BTRC: variants seen among roughly 807,000 people sequenced by gnomAD.
BTRC encodes F-box/WD repeat-containing protein 1A.
Under a neutral mutation model 85.5 loss-of-function variants are expected in BTRC, and 42 were observed. The observed-to-expected ratio is 0.49, with a 90% CI of 0.38 to 0.64. BTRC has a LOEUF of 0.64. Ranked by LOEUF, BTRC falls within the 30% of genes least tolerant of loss-of-function variation. The pLI, the probability that BTRC is intolerant of heterozygous loss-of-function variation, is 0.00. For synonymous variants in BTRC, 255 were observed against 263.3 expected, an observed-to-expected ratio of 0.97 and a Z score of 0.30; for missense variants, 594 against 743.5, an observed-to-expected ratio of 0.80 and a Z score of 2.34.
rs1014429352 is a variant in BTRC at position 101,454,626 on chromosome 10, A to G, written c.157-7355A>G. ...AGAACCCCTGTATCTACAAAAAAAC[A>G]GAAAAATTAGCCTGGTGTAGTGGCG... On this transcript the variant is annotated intron_variant, in intron 2 of 14. Coordinates refer to ENST00000370187, the MANE Select transcript of BTRC (RefSeq NM_033637.4). 3.3e-4 allele frequency among the ~76,000 whole-genome samples: 50 copies of G among 152,148 alleles called. 2 individuals are homozygous for G. Among genetic ancestry groups the G allele is most frequent in the Non-Finnish European group, 7.3e-5 (5 of 68,036 alleles).
chr10:101,429,219 C>T (rs1199696431), intron 1 of BTRC, among the ~76,000 whole-genome samples: 1 of 151,928 alleles, frequency 6.6e-6, no homozygotes, highest in East Asian at 1.9e-4. Flanking sequence ...TAATAGCACT[C>T]AAGTTGATGG....
Position 101,556,300 on chromosome 10 carries a change from G to C in BTRC, c.*3177G>C, listed in dbSNP as rs2062723151. 6.6e-6 allele frequency: 1 copy of C among 152,170 alleles called. No individual in the cohort carries two copies. Among genetic ancestry groups the C allele is most frequent in the Non-Finnish European group, 1.5e-5 (1 of 68,036 alleles). 9.4% of individuals were successfully genotyped at this position (152,170 alleles called of 1,614,324 possible). ...GCTCCTGGTACCATTGGTCTGAACA[G>C]CTGTAGTTGGTCTACTCCTTACTTA... On this transcript the variant is annotated 3_prime_UTR_variant, in exon 15 of 15. Transcript: ENST00000370187.
rs1203911002 is a variant in BTRC at position 101,555,736 on chromosome 10, C to T, written c.*2613C>T. 1.3e-5 allele frequency: 2 copies of T among 152,592 alleles called. No individual in the cohort carries two copies. The highest frequency in any genetic ancestry group is 4.8e-5 in the African/African-American group (2 of 41,448). 9.5% of individuals were successfully genotyped at this position (152,592 alleles called of 1,614,324 possible). On this transcript the variant is annotated 3_prime_UTR_variant, in exon 15 of 15. Coordinates refer to ENST00000370187, the MANE Select transcript of BTRC (RefSeq NM_033637.4). The stretch of plus-strand genomic sequence containing the variant: ...TAAAACGAAAAGAGAGACAAAGTCT[C>T]AGCACATTCCAAGGAGTGGTAGAAA...
At chr10:101,514,743 G>T (rs754015236) in intron 4 of BTRC, among the ~76,000 whole-genome samples, 1 of 150,570 alleles carries the variant, frequency 6.6e-6, no homozygotes, top group African/African-American at 2.4e-5. Flanking sequence ...ATGAGCCACC[G>T]TGCCTGGCCT....
At chr10:101,413,618 G>A (rs1190089477) in intron 1 of BTRC, among the ~76,000 whole-genome samples, 1 of 152,148 alleles carries the variant, frequency 6.6e-6, no homozygotes, top group East Asian at 1.9e-4. Context: ...CCAGCCTGAG[G>A]GAAGTGGTTT....
intron 2 of BTRC, among the ~76,000 whole-genome samples, chr10:101,431,070 CTTTTTTTTTTTTT>C (rs748703752): frequency 4.2e-5 from 3 of 71,294 alleles, no homozygotes; most frequent in South Asian, 6.2e-4. Flanking sequence ...CTCAGCCTTT[CTTTTTTTTTTTTT>C]TTTTTTTTTT....
In BTRC at chr10:101,438,290, T is replaced by A. The variant is rs530071011; in HGVS notation, c.156+7838T>A. On this transcript the variant is annotated intron_variant, in intron 2 of 14. Transcript: ENST00000370187. Reference sequence around the variant, plus strand: ...AAATACAAAAATTAGCCGGGCGTGGTGGTGGGCGCCTGTAGTCCCAGCTCC... The same window carrying A: ...AAATACAAAAATTAGCCGGGCGTGGAGGTGGGCGCCTGTAGTCCCAGCTCC... 3.4e-3 allele frequency among the ~76,000 whole-genome samples: 508 copies of A among 151,214 alleles called. 2 individuals are homozygous for A. The highest frequency in any genetic ancestry group is 0.012 in the African/African-American group (479 of 41,246).
At chr10:101,394,533 G>T (rs1943315647) in intron 1 of BTRC, among the ~76,000 whole-genome samples, 1 of 152,166 alleles carries the variant, frequency 6.6e-6, no homozygotes, top group African/African-American at 2.4e-5. Context: ...CTTAAAGCAG[G>T]TCCTTCTTCC....
intron 4 of BTRC, among the ~76,000 whole-genome samples, chr10:101,499,310 C>T (rs934378023): frequency 6.6e-6 from 1 of 151,818 alleles, no homozygotes; most frequent in Non-Finnish European, 1.5e-5. Context: ...GATCTGGGCT[C>T]ACTGCAACCT....
intron 4 of BTRC, among the ~76,000 whole-genome samples, chr10:101,482,393 C>CTTTTTTT (rs55978440): frequency 2.0e-5 from 2 of 99,814 alleles, no homozygotes; most frequent in African/African-American, 7.1e-5. Context: ...TTGTTTGTTT[C>CTTTTTTT]TTTTTTTTTT....
chr10:101,524,998 C>T (rs1388649355), intron 5 of BTRC, among the ~76,000 whole-genome samples: 2 of 152,122 alleles, frequency 1.3e-5, no homozygotes, highest in Admixed American at 6.5e-5. Flanking sequence ...TTTGTGCCTA[C>T]GGGAGTGAGA....
intron 6 of BTRC, among the ~76,000 whole-genome samples, chr10:101,529,437 G>A (rs1376869696): frequency 1.3e-5 from 2 of 152,192 alleles, no homozygotes; most frequent in African/African-American, 2.4e-5. Flanking sequence ...GGAATGGTGG[G>A]CATTGAGAAA....
chr10:101,374,795 AAAAAAG>A (rs1465390360), intron 1 of BTRC, among the ~76,000 whole-genome samples: 4 of 152,148 alleles, frequency 2.6e-5, no homozygotes, highest in South Asian at 2.1e-4. Context: ...ATAAAAAAAA[AAAAAAG>A]AAAAGTTTAT....
chr10:101,537,696 T>C (rs1237417684), intron 12 of BTRC, among the ~76,000 whole-genome samples: 1 of 152,238 alleles, frequency 6.6e-6, no homozygotes, highest in African/African-American at 2.4e-5. Flanking sequence ...CAGCAGGAAG[T>C]GTAGACTGCT....
intron 5 of BTRC, 133 bp from the exon 6 acceptor site, chr10:101,525,880 A>G: frequency 1.3e-6 from 1 of 790,654 alleles, no homozygotes; most frequent in Non-Finnish European, 1.9e-6. Context: ...TTGAAAAAGA[A>G]ACTGGACCAC....
chr10:101,402,585 A>G (rs1270982875), intron 1 of BTRC, among the ~76,000 whole-genome samples: 3 of 152,326 alleles, frequency 2.0e-5, no homozygotes, highest in Middle Eastern at 6.8e-3. Context: ...TAAAAATTCT[A>G]TATTAGAAGT....
At chr10:101,418,264 A>T (rs1361022915) in intron 1 of BTRC, among the ~76,000 whole-genome samples, 4 of 152,070 alleles carry the variant, frequency 2.6e-5, no homozygotes, top group African/African-American at 9.7e-5. Context: ...GCTACTCAGG[A>T]GGCTGAGGCA....
At chr10:101,368,851 T>A (rs1165537849) in intron 1 of BTRC, among the ~76,000 whole-genome samples, 1 of 152,064 alleles carries the variant, frequency 6.6e-6, no homozygotes, top group Admixed American at 6.6e-5. Flanking sequence ...AAACCTCGCT[T>A]CTACTAAAGG....
At chr10:101,519,328 C>T (rs1474426015) in intron 4 of BTRC, among the ~76,000 whole-genome samples, 1 of 152,114 alleles carries the variant, frequency 6.6e-6, no homozygotes, top group African/African-American at 2.4e-5. Context: ...GATCCACCCA[C>T]CTCATCCTCC....
Sources: gnomAD v4.1 joint callset for allele counts (sites outside exome capture counted in the v4.1 genomes callset) on GRCh38, gnomAD v4.1.1 for gene constraint, MANE v1.5 for transcripts, NCBI Gene and HGNC (gene_info 2026-07-23, HGNC 2026-07-21) for gene names.